MTMR7: variants seen among roughly 807,000 people sequenced by gnomAD.
The protein encoded by MTMR7 is myotubularin related protein 7.
Under a neutral mutation model 81.2 loss-of-function variants are expected in MTMR7, and 76 were observed. The observed-to-expected ratio is 0.94, with a 90% CI of 0.78 to 1.13. MTMR7 has a LOEUF of 1.13. Ranked by LOEUF, MTMR7 falls within the 50% of genes most tolerant of loss-of-function variation. The pLI is 0.00. For synonymous variants in MTMR7, 372 were observed against 289.8 expected, an observed-to-expected ratio of 1.28 and a Z score of -2.88; for missense variants, 1,044 against 820.0, an observed-to-expected ratio of 1.27 and a Z score of -3.34.
chr8:17,317,441 C>T (rs1334266607), intron 7 of MTMR7, among the ~76,000 whole-genome samples: 2 of 152,206 alleles, frequency 1.3e-5, no homozygotes, highest in Non-Finnish European at 2.9e-5. Flanking sequence ...CCATGGGTCT[C>T]ATTCTTCCAT....
At chr8:17,307,352 G>T (rs1817520151) in intron 10 of MTMR7, among the ~76,000 whole-genome samples, 1 of 152,202 alleles carries the variant, frequency 6.6e-6, no homozygotes, top group African/African-American at 2.4e-5. Context: ...TCTCACACCA[G>T]TTAGAATGGC....
intron 1 of MTMR7, among the ~76,000 whole-genome samples, chr8:17,386,616 A>C (rs565338503): frequency 8.0e-4 from 119 of 149,190 alleles, no homozygotes; most frequent in African/African-American, 2.7e-3. Flanking sequence ...CTGGGCCCTC[A>C]TTGCTGGCTC....
intron 3 of MTMR7, among the ~76,000 whole-genome samples, chr8:17,364,737 T>C (rs183439560): frequency 6.6e-6 from 1 of 152,384 alleles, no homozygotes; most frequent in Non-Finnish European, 1.5e-5. Context: ...TTGTCACAAA[T>C]AACACAATGT....
chr8:17,380,404 T>C (rs916046560), intron 1 of MTMR7, among the ~76,000 whole-genome samples: 4 of 152,116 alleles, frequency 2.6e-5, no homozygotes, highest in African/African-American at 9.7e-5. Flanking sequence ...CATAGTTCTG[T>C]TGAACTTGAG....
intron 1 of MTMR7, among the ~76,000 whole-genome samples, chr8:17,402,190 C>G (rs1821447628): frequency 6.6e-6 from 1 of 152,084 alleles, no homozygotes; most frequent in Non-Finnish European, 1.5e-5. Flanking sequence ...ATAATCACAT[C>G]ATGGTAAATG....
intron 4 of MTMR7, among the ~76,000 whole-genome samples, chr8:17,355,964 G>T (rs1053548892): frequency 6.6e-6 from 1 of 152,212 alleles, no homozygotes; most frequent in Non-Finnish European, 1.5e-5. Context: ...ACCAAAAGGT[G>T]CATAAAATGC....
intron 1 of MTMR7, among the ~76,000 whole-genome samples, chr8:17,400,254 T>C (rs746671896): frequency 1.3e-5 from 2 of 152,196 alleles, no homozygotes; most frequent in Admixed American, 6.5e-5. Context: ...CCATTCTAGA[T>C]TCACATTTAT....
intron 7 of MTMR7, among the ~76,000 whole-genome samples, chr8:17,323,707 C>G (rs1342901799): frequency 6.6e-6 from 1 of 152,098 alleles, no homozygotes; most frequent in Non-Finnish European, 1.5e-5. Context: ...GACCAACACT[C>G]CTATGAACTT....
intron 6 of MTMR7, among the ~76,000 whole-genome samples, chr8:17,337,633 C>T (rs574194770): frequency 3.3e-5 from 5 of 152,138 alleles, no homozygotes; most frequent in South Asian, 2.1e-4. Flanking sequence ...CTTTTTCTTT[C>T]GAGACAGGGT....
chr8:17,377,415 T>TA (rs1210272646), intron 1 of MTMR7, among the ~76,000 whole-genome samples: 1 of 152,124 alleles, frequency 6.6e-6, no homozygotes, highest in Non-Finnish European at 1.5e-5. Flanking sequence ...TCATTCCTAA[T>TA]ACTGTGAATT....
chr8:17,406,568 C>T (rs1013548259), intron 1 of MTMR7, among the ~76,000 whole-genome samples: 1 of 152,176 alleles, frequency 6.6e-6, no homozygotes, highest in Non-Finnish European at 1.5e-5. Context: ...CTTTGGAAAA[C>T]AATTTGGCAG....
intron 7 of MTMR7, among the ~76,000 whole-genome samples, chr8:17,316,464 TAAA>T (rs3040963): frequency 0.16 from 23,520 of 143,446 alleles, 2,119 homozygotes; most frequent in East Asian, 0.3. Context: ...AACAGTACAG[TAAA>T]AAAAAAAAAA....
chr8:17,353,551 C>A (rs1438256205), intron 4 of MTMR7, among the ~76,000 whole-genome samples: 1 of 152,116 alleles, frequency 6.6e-6, no homozygotes, highest in African/African-American at 2.4e-5. Flanking sequence ...ATACATAATG[C>A]GCACAATGAT....
At chr8:17,392,087 A>C (rs529670392) in intron 1 of MTMR7, among the ~76,000 whole-genome samples, 1 of 152,348 alleles carries the variant, frequency 6.6e-6, no homozygotes, top group South Asian at 2.1e-4. Flanking sequence ...GGACAAAGTC[A>C]CGGAATCTTG....
At chr8:17,311,331 A>T (rs1817769819) in intron 9 of MTMR7, among the ~76,000 whole-genome samples, 180 bp downstream of exon 9, 1 of 152,162 alleles carries the variant, frequency 6.6e-6, no homozygotes, top group Non-Finnish European at 1.5e-5. Context: ...CTTTATTCCA[A>T]GCCTTCCCCT....
At chr8:17,408,627 G>C (rs923185228) in intron 1 of MTMR7, among the ~76,000 whole-genome samples, 4 of 152,086 alleles carry the variant, frequency 2.6e-5, no homozygotes, top group African/African-American at 9.7e-5. Context: ...GACAATGAAT[G>C]AGGTAACAGA....
At chr8:17,314,321 T>G (rs1046610764) in intron 7 of MTMR7, among the ~76,000 whole-genome samples, 6 of 152,166 alleles carry the variant, frequency 3.9e-5, no homozygotes, top group Admixed American at 2.6e-4. Context: ...TAAACACACA[T>G]AGGGAAAAGG....
intron 1 of MTMR7, among the ~76,000 whole-genome samples, chr8:17,383,045 G>C (rs1820810036): frequency 6.6e-6 from 1 of 151,664 alleles, no homozygotes; most frequent in Non-Finnish European, 1.5e-5. Flanking sequence ...CGGGATCCCA[G>C]GGCCTGTTGG....
At chr8:17,379,961 A>C (rs10088936) in intron 1 of MTMR7, among the ~76,000 whole-genome samples, 21,714 of 152,056 alleles carry the variant, frequency 0.14, 2,380 homozygotes, top group East Asian at 0.35. Flanking sequence ...TAACGCACTG[A>C]GGGTTTGGAG....
Sources: gnomAD v4.1 joint callset for allele counts (sites outside exome capture counted in the v4.1 genomes callset) on GRCh38, gnomAD v4.1.1 for gene constraint, MANE v1.5 for transcripts, NCBI Gene and HGNC (gene_info 2026-07-23, HGNC 2026-07-21) for gene names.